BRINP3: variants seen among roughly 807,000 people sequenced by gnomAD.
BRINP3 encodes BMP/retinoic acid inducible neural specific 3.
In BRINP3, 19 loss-of-function variants were observed where a neutral mutation model predicts 71.0. The ratio of observed to expected loss-of-function variants is 0.27; its 90% CI spans 0.19 to 0.39. The LOEUF is 0.39. BRINP3 is among the 10% of genes least tolerant of loss of function. BRINP3 has a pLI of 1.00. For missense variants in BRINP3, 959 were observed against 940.8 expected (o/e 1.02, Z -0.25); for synonymous variants, 380 against 337.7 (o/e 1.13, Z -1.37).
intron 4 of BRINP3, among the ~76,000 whole-genome samples, chr1:190,263,718 A>G (rs1218723963): frequency 1.3e-5 from 2 of 150,712 alleles, no homozygotes; most frequent in Non-Finnish European, 1.5e-5. Context: ...GCCTCCCAGT[A>G]GCTGGGACTA....
At chr1:190,279,010 T>C (rs1662840610) in intron 3 of BRINP3, among the ~76,000 whole-genome samples, 1 of 151,896 alleles carries the variant, frequency 6.6e-6, no homozygotes, top group Admixed American at 6.6e-5. Flanking sequence ...GTGTTTTTGA[T>C]CTCTTCTGTC....
chr1:190,409,051 T>C (rs1285569884), intron 2 of BRINP3, among the ~76,000 whole-genome samples: 1 of 152,166 alleles, frequency 6.6e-6, no homozygotes, highest in Non-Finnish European at 1.5e-5. Flanking sequence ...AGGACAGCCA[T>C]CCACACTGAA....
At chr1:190,132,935 T>G (rs2102358291) in intron 7 of BRINP3, among the ~76,000 whole-genome samples, 1 of 152,204 alleles carries the variant, frequency 6.6e-6, no homozygotes, top group South Asian at 2.1e-4. Flanking sequence ...CTTTGACAAG[T>G]CCACCTGTCA....
intron 2 of BRINP3, among the ~76,000 whole-genome samples, chr1:190,348,441 T>C (rs1449452577): frequency 1.3e-5 from 2 of 152,162 alleles, no homozygotes; most frequent in African/African-American, 2.4e-5. Flanking sequence ...TTCAGGTCTG[T>C]GGTCAGATCC....
intron 4 of BRINP3, among the ~76,000 whole-genome samples, chr1:190,256,189 T>TC (rs1435410096): frequency 5.9e-5 from 9 of 152,206 alleles, no homozygotes; most frequent in African/African-American, 1.9e-4. Context: ...TACTTCCAAC[T>TC]CTGTGGTCAA....
At chr1:190,360,266 A>G (rs1428722281) in intron 2 of BRINP3, among the ~76,000 whole-genome samples, 1 of 152,202 alleles carries the variant, frequency 6.6e-6, no homozygotes, top group African/African-American at 2.4e-5. Context: ...CTAATTAGAG[A>G]AACTGCATAA....
At position 190,274,787 on chromosome 1, in the gene BRINP3, A is replaced by T. The variant is rs74479469; in HGVS notation, c.427+6773T>A. 1.8e-3 allele frequency among the ~76,000 whole-genome samples: 275 copies of T among 151,706 alleles called. 10 individuals are homozygous for T. The East Asian group carries it at 0.045, about 25-fold the overall frequency. Reference sequence around the variant, plus strand: ...GAGATCTATCTACTAATCTACTAGTATGGTATTGTGGGGGAAAAAAGTGTT... The same window carrying T: ...GAGATCTATCTACTAATCTACTAGTTTGGTATTGTGGGGGAAAAAAGTGTT... On this transcript the variant is annotated intron_variant, in intron 3 of 7. Transcript: ENST00000367462.
intron 2 of BRINP3, among the ~76,000 whole-genome samples, chr1:190,327,207 T>C (rs766260451): frequency 2.2e-4 from 32 of 148,460 alleles, no homozygotes; most frequent in Middle Eastern, 3.5e-3. Flanking sequence ...CCCGGCTACT[T>C]GGAAGGCTGA....
chr1:190,462,957 A>G (rs1445599420), intron 1 of BRINP3, among the ~76,000 whole-genome samples: 1 of 149,568 alleles, frequency 6.7e-6, no homozygotes, highest in Non-Finnish European at 1.5e-5. Context: ...TGTATAGTTT[A>G]ATATTTTGAA....
chr1:190,278,609 G>A (rs921396339), intron 3 of BRINP3, among the ~76,000 whole-genome samples: 31 of 151,302 alleles, frequency 2.0e-4, no homozygotes, highest in African/African-American at 4.8e-4. Flanking sequence ...AAAAATTCCC[G>A]CAGGAAAATA....
intron 6 of BRINP3, among the ~76,000 whole-genome samples, chr1:190,175,763 A>G (rs144428531): frequency 1.1e-4 from 16 of 152,320 alleles, no homozygotes; most frequent in African/African-American, 3.6e-4. Context: ...TCTATCGTAT[A>G]TCAACATCTG....
intron 2 of BRINP3, among the ~76,000 whole-genome samples, chr1:190,291,197 T>A (rs1335616851): frequency 6.6e-6 from 1 of 152,040 alleles, no homozygotes; most frequent in Non-Finnish European, 1.5e-5. Context: ...TCACATTTCT[T>A]AAAAGATGAA....
intron 2 of BRINP3, among the ~76,000 whole-genome samples, chr1:190,285,362 C>T (rs1273735950): frequency 6.6e-6 from 1 of 152,114 alleles, no homozygotes; most frequent in African/African-American, 2.4e-5. Flanking sequence ...TAACCTGGTC[C>T]ATAAGCCCGG....
intron 2 of BRINP3, among the ~76,000 whole-genome samples, chr1:190,380,314 T>A (rs1033299214): frequency 6.6e-6 from 1 of 152,132 alleles, no homozygotes; most frequent in Non-Finnish European, 1.5e-5. Flanking sequence ...CGGAAGTCAC[T>A]GAGTCATGGT....
At chr1:190,476,638 A>T (rs1009338874) in intron 1 of BRINP3, among the ~76,000 whole-genome samples, 4 of 152,142 alleles carry the variant, frequency 2.6e-5, no homozygotes, top group African/African-American at 9.7e-5. Context: ...GAGTGAGGCA[A>T]TTAAATTTTT....
chr1:190,167,931 T>G (rs1355727447), intron 6 of BRINP3, among the ~76,000 whole-genome samples: 1 of 152,102 alleles, frequency 6.6e-6, no homozygotes, highest in Non-Finnish European at 1.5e-5. Flanking sequence ...TATCTCCGAG[T>G]GCTGTATTGG....
rs893621797 is a variant in BRINP3, at chr1:190,425,250, A to G, written c.236+29405T>C. On this transcript the variant is annotated intron_variant, in intron 2 of 7. Coordinates refer to ENST00000367462, the MANE Select transcript of BRINP3 (RefSeq NM_199051.3). ...AGTTTACATAGATATAAAATAATTG[A>G]TAAAGTTAGATTTAAAAGACATATG... 3.3e-5 allele frequency among the ~76,000 whole-genome samples: 5 copies of G among 151,776 alleles called. 1 individual carries two copies. The highest frequency in any genetic ancestry group is 3.3e-4 in the Admixed American group (5 of 15,180).
intron 2 of BRINP3, among the ~76,000 whole-genome samples, chr1:190,290,895 G>A (rs1004391014): frequency 6.6e-6 from 1 of 151,302 alleles, no homozygotes; most frequent in South Asian, 2.1e-4. Flanking sequence ...GTGAGTGTTT[G>A]TGTGTGTGTG....
chr1:190,290,032 A>G (rs915303412), intron 2 of BRINP3, among the ~76,000 whole-genome samples: 9 of 152,202 alleles, frequency 5.9e-5, no homozygotes, highest in African/African-American at 2.2e-4. Context: ...CATGTGAGCT[A>G]AAATGAAATA....
Sources: gnomAD v4.1 joint callset for allele counts (sites outside exome capture counted in the v4.1 genomes callset) on GRCh38, gnomAD v4.1.1 for gene constraint, MANE v1.5 for transcripts, NCBI Gene and HGNC (gene_info 2026-07-23, HGNC 2026-07-21) for gene names.